GPX3: variants seen among roughly 807,000 people sequenced by gnomAD.
The protein encoded by GPX3 is glutathione peroxidase 3.
A neutral mutation model predicts 25.1 loss-of-function variants in GPX3; 22 were observed. The ratio of observed to expected loss-of-function variants is 0.88; its 90% CI spans 0.63 to 1.25. The LOEUF is 1.25. Ranked by LOEUF, GPX3 falls within the 50% of genes most tolerant of loss-of-function variation. The probability of loss-of-function intolerance (pLI) is 0.00; values close to 1 mark genes in which losing one functional copy is unlikely to be tolerated. For missense variants in GPX3, 278 were observed against 286.6 expected, an observed-to-expected ratio of 0.97 and a Z score of 0.22; for synonymous variants, 110 against 114.5, an observed-to-expected ratio of 0.96 and a Z score of 0.25.
At chr5:151,021,909 A>T (rs1756482965) in intron 1 of GPX3, 1 of 152,180 alleles carries the variant, frequency 6.6e-6, no homozygotes, top group African/African-American at 2.4e-5. Flanking sequence ...CACTTTAATT[A>T]AGTTCTTATG....
chr5:151,024,353 C>T (rs1231792880), intron 1 of GPX3, among the ~76,000 whole-genome samples: 1 of 152,228 alleles, frequency 6.6e-6, no homozygotes. Flanking sequence ...TCATAGGCCA[C>T]ATCCTACTAG....
chr5:151,028,273 A>G lies in GPX3; in HGVS notation c.*143A>G. 1 of 727,806 alleles carries G rather than the reference A, an allele frequency of 1.4e-6. No homozygotes were observed. Among genetic ancestry groups the G allele is most frequent in the Non-Finnish European group, 2.3e-6 (1 of 428,624 alleles). 45.1% of individuals were successfully genotyped at this position (727,806 alleles called of 1,614,324 possible). On this transcript the variant is annotated 3_prime_UTR_variant, in exon 5 of 5. Coordinates refer to ENST00000388825, the MANE Select transcript of GPX3 (RefSeq NM_002084.5). ...CCCAGCCTGGCACAAATGGATGCAT[A>G]CAGTTCTGTGTACTGCCAGGCATGT...
At chr5:151,026,847 G>A in intron 2 of GPX3, 53 bp from the exon 3 acceptor site, 1 of 1,348,646 alleles carries the variant, frequency 7.4e-7, no homozygotes, top group Admixed American at 1.8e-5. Flanking sequence ...GTGTGGATGA[G>A]ACAGGGCTCC....
In GPX3 at chr5:151,025,441, C is replaced by T. The variant is rs766813820; in HGVS notation, c.189C>T (p.Tyr63=). Residue 63 remains tyrosine (Y), a synonymous_variant, in exon 2 of 5, where the codon TAC becomes TAT. Coordinates refer to ENST00000388825, the MANE Select transcript of GPX3 (RefSeq NM_002084.5). ...CCTTCAAGCAGTATGCTGGCAAATA[C>T]GTCCTCTTTGTCAACGTGGCCAGCT... ...YIPFKQYAGK[Y]VLFVNVASYU... 9.9e-6 allele frequency: 16 copies of T among 1,612,558 alleles called. No individual in the cohort carries two copies. Among genetic ancestry groups the T allele is most frequent in the East Asian group, 6.7e-5 (3 of 44,770 alleles).
chr5:151,026,365 C>T (rs1756548421), intron 2 of GPX3: 1 of 152,370 alleles, frequency 6.6e-6, no homozygotes, highest in Non-Finnish European at 1.5e-5. Context: ...TTCTGGGATG[C>T]TTCTCTCTAG....
At position 151,020,711 on chromosome 5, in the gene GPX3, C is replaced by G; in HGVS notation, c.57C>G (p.Val19=). 24 of 1,611,940 alleles carry G rather than the reference C, an allele frequency of 1.5e-5. No homozygotes were observed. The highest frequency in any genetic ancestry group is 2.0e-5 in the Non-Finnish European group (24 of 1,179,408). ...CLLSLLLAGF[V]SQSRGQEKSK... The stretch of plus-strand genomic sequence containing the variant: ...TTTCCCTGCTCCTGGCCGGCTTCGT[C>G]TCGCAGAGCCGGGGACAAGAGAAGT... The change falls in exon 1 of 5, where the codon GTC becomes GTG. Residue 19 remains valine, a synonymous_variant. Transcript: ENST00000388825.
Position 151,028,049 on chromosome 5 carries a change from C to T in GPX3, c.600C>T (p.His200=), listed in dbSNP as rs542081520. The T allele has an allele frequency of 9.3e-6, 15 of 1,613,946 alleles. No homozygotes were observed. The South Asian group carries it at 1.3e-4, about 14-fold the overall frequency. The part of the protein sequence containing the change: ...PDGIPIMRWH[H]RTTVSNVKMD... ...GTATACCCATCATGCGCTGGCACCA[C>T]CGGACCACGGTCAGCAACGTCAAGA... Residue 200 remains histidine (H), a synonymous_variant, in exon 5 of 5, where the codon CAC becomes CAT. Coordinates refer to ENST00000388825, the MANE Select transcript of GPX3 (RefSeq NM_002084.5).
At chr5:151,023,780 T>G (rs1210436106) in intron 1 of GPX3, among the ~76,000 whole-genome samples, 2 of 152,148 alleles carry the variant, frequency 1.3e-5, no homozygotes, top group African/African-American at 4.8e-5. Context: ...ATGTTGATCT[T>G]AGGTCTTGGG....
chr5:151,020,756 G>T lies in GPX3; in HGVS notation c.87+15G>T. ...AGAAGTCGAAGGTGAGTGAGCCTCC[G>T]GGCCGGGGGCCGGGAGAAAAAACCT... On this transcript the variant is annotated intron_variant, in intron 1 of 4. Transcript: ENST00000388825. The T allele has an allele frequency of 6.2e-7, 1 of 1,606,114 alleles. No individual in the cohort carries two copies. Among genetic ancestry groups the T allele is most frequent in the Non-Finnish European group, 8.5e-7 (1 of 1,175,844 alleles).
At chr5:151,025,062 T>C (rs931604677) in intron 1 of GPX3, among the ~76,000 whole-genome samples, 5 of 152,366 alleles carry the variant, frequency 3.3e-5, no homozygotes, top group Admixed American at 3.3e-4. Context: ...CACTCACTTA[T>C]TAAGTGCTTA....
At position 151,028,162 on chromosome 5, in the gene GPX3, T is replaced by A. The variant is rs1033085026; in HGVS notation, c.*32T>A. 2 of 1,528,072 alleles carry A rather than the reference T, an allele frequency of 1.3e-6. No homozygotes were observed. Among genetic ancestry groups the A allele is most frequent in the African/African-American group, 2.8e-5 (2 of 72,674 alleles). 94.7% of individuals were successfully genotyped at this position (1,528,072 alleles called of 1,614,324 possible). ...GCCGTCTCATCCCATGTCCACCATGTAGGGGAGGGACTTTGTTCAGGAAGA... is the reference window on the plus strand; with the variant it reads ...GCCGTCTCATCCCATGTCCACCATGAAGGGGAGGGACTTTGTTCAGGAAGA... On this transcript the variant is annotated 3_prime_UTR_variant, in exon 5 of 5. Coordinates refer to ENST00000388825, the MANE Select transcript of GPX3 (RefSeq NM_002084.5).
In GPX3 at chr5:151,028,371, A is replaced by G; in HGVS notation, c.*241A>G. The G allele has an allele frequency of 1.9e-6, 1 of 537,762 alleles. No homozygotes were observed. The highest frequency in any genetic ancestry group is 3.4e-6 in the Non-Finnish European group (1 of 294,840). The allele number at this position is 537,762 out of a possible 1,614,324, so 33.3% of individuals were successfully genotyped here. A position where few individuals can be genotyped will look rare whatever the true frequency, so the allele number is the denominator to read the frequency against. ...TGATTGTGTGTGTGTGCATGGGTGT[A>G]CAGCCACGTGTCTACCTATGTGTCT... On this transcript the variant is annotated 3_prime_UTR_variant, in exon 5 of 5. Coordinates refer to ENST00000388825, the MANE Select transcript of GPX3 (RefSeq NM_002084.5).
intron 1 of GPX3, among the ~76,000 whole-genome samples, chr5:151,022,959 A>G (rs1001813255): frequency 6.6e-6 from 1 of 152,176 alleles, no homozygotes; most frequent in African/African-American, 2.4e-5. Context: ...CCCAGCACTC[A>G]GGTCTCCTGA....
Position 151,028,296 on chromosome 5 carries a change from T to C in GPX3, c.*166T>C. Reference sequence around the variant, plus strand: ...ATACAGTTCTGTGTACTGCCAGGCATGTGGGTGTGGGTGCATGTGGGTGTT... The same window carrying C: ...ATACAGTTCTGTGTACTGCCAGGCACGTGGGTGTGGGTGCATGTGGGTGTT... On this transcript the variant is annotated 3_prime_UTR_variant, in exon 5 of 5. Transcript: ENST00000388825. 1.6e-6 allele frequency: 1 copy of C among 637,874 alleles called. No homozygotes were observed. Among genetic ancestry groups the C allele is most frequent in the Non-Finnish European group, 2.8e-6 (1 of 361,062 alleles). The allele number at this position is 637,874 out of a possible 1,614,324, so 39.5% of individuals were successfully genotyped here.
chr5:151,020,688 T>C lies in GPX3; in HGVS notation c.34T>C (p.Ser12Pro). The change falls in exon 1 of 5, where the codon TCC becomes CCC. Residue 12 changes from serine (S) to proline (P), a missense_variant. Transcript: ENST00000388825. ...ARLLQASCLLSLLLAGFVSQS... is the reference protein window; with the variant it reads ...ARLLQASCLLPLLLAGFVSQS... ...GCTGCTGCAGGCGTCCTGCCTGCTT[T>C]CCCTGCTCCTGGCCGGCTTCGTCTC... 2 of 1,611,742 alleles carry C rather than the reference T, an allele frequency of 1.2e-6. No individual in the cohort carries two copies. Among genetic ancestry groups the C allele is most frequent in the Non-Finnish European group, 1.7e-6 (2 of 1,179,344 alleles).
chr5:151,025,317 T>A, intron 1 of GPX3, 23 bp from the exon 2 acceptor site: 1 of 1,524,978 alleles, frequency 6.6e-7, no homozygotes. Context: ...CTCTAACTGC[T>A]CCTTTTATGG....
Position 151,028,235 on chromosome 5 carries a change from T to A in GPX3, c.*105T>A. On this transcript the variant is annotated 3_prime_UTR_variant, in exon 5 of 5. Coordinates refer to ENST00000388825, the MANE Select transcript of GPX3 (RefSeq NM_002084.5). ...ATCTACCCATCACAGACCCCTTTCC[T>A]ATCACTCAAGGCCCCAGCCTGGCAC... 9.7e-7 allele frequency: 1 copy of A among 1,026,570 alleles called. No homozygotes were observed. The highest frequency in any genetic ancestry group is 1.5e-5 in the South Asian group (1 of 67,320). 63.6% of individuals were successfully genotyped at this position (1,026,570 alleles called of 1,614,324 possible).
intron 4 of GPX3, 21 bp from the exon 5 acceptor site, chr5:151,027,888 C>T (rs1372249604): frequency 1.9e-6 from 3 of 1,596,554 alleles, no homozygotes; most frequent in Non-Finnish European, 2.6e-6. Context: ...AAGGTTGACA[C>T]TCCTCTTATC....
chr5:151,023,922 C>T (rs779917148), intron 1 of GPX3, among the ~76,000 whole-genome samples: 3 of 152,208 alleles, frequency 2.0e-5, no homozygotes, highest in Non-Finnish European at 4.4e-5. Flanking sequence ...AGCGCAGCCT[C>T]GCCCAGCTCA....
Sources: allele counts gnomAD v4.1 joint callset (sites outside exome capture counted in the v4.1 genomes callset), GRCh38; gene constraint gnomAD v4.1.1; transcripts MANE v1.5; gene names NCBI Gene and HGNC (gene_info 2026-07-23, HGNC 2026-07-21).